The following RNLS variants were observed in gnomAD, a reference collection of about 807,000 sequenced individuals.
RNLS encodes the protein renalase.
Under a neutral mutation model 39.8 loss-of-function variants are expected in RNLS, and 39 were observed. The ratio of observed to expected loss-of-function variants is 0.98; its 90% CI spans 0.76 to 1.28. The LOEUF (loss-of-function observed/expected upper bound fraction) is 1.28. RNLS is among the 50% of genes most tolerant of loss of function. The pLI is 0.00. For missense variants in RNLS, 410 were observed against 413.3 expected, an observed-to-expected ratio of 0.99 and a Z score of 0.07; for synonymous variants, 147 against 150.7, an observed-to-expected ratio of 0.98 and a Z score of 0.18.
chr10:88,558,958 G>A (rs1247981237), intron 4 of RNLS, among the ~76,000 whole-genome samples: 1 of 152,122 alleles, frequency 6.6e-6, no homozygotes. Flanking sequence ...CTATGGAGAT[G>A]GTCTGCTGAA....
chr10:88,552,843 TA>T (rs1488061087), intron 4 of RNLS, among the ~76,000 whole-genome samples: 15 of 152,180 alleles, frequency 9.9e-5, no homozygotes, highest in Non-Finnish European at 2.1e-4. Context: ...GTTGTAAAAA[TA>T]ACCCAACAGC....
chr10:88,463,145 A>C (rs1444681243), intron 4 of RNLS, among the ~76,000 whole-genome samples: 3 of 152,046 alleles, frequency 2.0e-5, no homozygotes, highest in African/African-American at 2.4e-5. Flanking sequence ...CCTAAGCCCC[A>C]GTACCTCATA....
intron 3 of RNLS, among the ~76,000 whole-genome samples, chr10:88,577,294 A>C (rs1017131849): frequency 1.3e-5 from 2 of 152,194 alleles, no homozygotes; most frequent in Admixed American, 1.3e-4. Flanking sequence ...AAAATAATCA[A>C]TAAGGAAAGA....
At chr10:88,559,662 C>CTCAT (rs3033889) in intron 4 of RNLS, among the ~76,000 whole-genome samples, 2,539 of 151,160 alleles carry the variant, frequency 0.017, 80 homozygotes, top group African/African-American at 0.056. Context: ...GATTGTTTCA[C>CTCAT]TCATTCATTC....
chr10:88,551,201 A>G (rs1848586336), intron 4 of RNLS, among the ~76,000 whole-genome samples: 1 of 152,196 alleles, frequency 6.6e-6, no homozygotes, highest in South Asian at 2.1e-4. Context: ...AAACTACTTT[A>G]CTGAAGCCAG....
chr10:88,539,153 C>A (rs1174971848), intron 4 of RNLS, among the ~76,000 whole-genome samples: 1 of 152,012 alleles, frequency 6.6e-6, no homozygotes, highest in African/African-American at 2.4e-5. Context: ...AATAAAAGAC[C>A]TTCAGAATAG....
chr10:88,328,260 T>C (rs895625995), intron 5 of RNLS, among the ~76,000 whole-genome samples: 5 of 142,056 alleles, frequency 3.5e-5, no homozygotes, highest in Non-Finnish European at 6.3e-5. Flanking sequence ...ATTGTATAGT[T>C]CTCATGAATT....
At chr10:88,381,367 G>A (rs1230940456) in intron 4 of RNLS, among the ~76,000 whole-genome samples, 5 of 151,540 alleles carry the variant, frequency 3.3e-5, no homozygotes, top group African/African-American at 1.2e-4. Flanking sequence ...CTTATTCCTA[G>A]GTAGTCTGTT....
In RNLS at chr10:88,297,277, C is replaced by G. The variant is rs76990990; in HGVS notation, c.877-11771G>C. On this transcript the variant is annotated intron_variant, in intron 6 of 6. Coordinates refer to ENST00000331772, the MANE Select transcript of RNLS (RefSeq NM_001031709.3). ...TCCTACCAGTGATATGTGAGAGTTA[C>G]AGTTGTTTCACATCCTTGCCAGCAT... Among the ~76,000 whole-genome samples the G allele has an allele frequency of 4.2e-3, 641 of 152,296 alleles. 5 individuals are homozygous for G. Among genetic ancestry groups the G allele is most frequent in the South Asian group, 0.029 (141 of 4,834 alleles).
chr10:88,436,226 T>C (rs1340521995), intron 4 of RNLS, among the ~76,000 whole-genome samples: 1 of 152,116 alleles, frequency 6.6e-6, no homozygotes, highest in Non-Finnish European at 1.5e-5. Context: ...TCTGATAAGG[T>C]AACTTACCTT....
intron 2 of RNLS, 43 bp downstream of exon 2, chr10:88,582,138 TCACAACAACCCTATGACATCA>T: frequency 7.7e-7 from 1 of 1,292,194 alleles, no homozygotes; most frequent in Non-Finnish European, 1.1e-6. Context: ...AATCTAATCT[TCACAACAACCCTATGACATCA>T]CACAACTGCT....
At chr10:88,312,526 A>C (rs902206946) in intron 6 of RNLS, among the ~76,000 whole-genome samples, 1 of 152,190 alleles carries the variant, frequency 6.6e-6, no homozygotes, top group African/African-American at 2.4e-5. Context: ...AGGAAATATA[A>C]GGTGGGTGAA....
chr10:88,357,542 A>G (rs1849284219), intron 5 of RNLS, among the ~76,000 whole-genome samples: 1 of 152,196 alleles, frequency 6.6e-6, no homozygotes, highest in African/African-American at 2.4e-5. Context: ...GTTGAAACCT[A>G]TTTATCATTC....
At chr10:88,387,611 GCT>G (rs1851950574) in intron 4 of RNLS, among the ~76,000 whole-genome samples, 1 of 151,806 alleles carries the variant, frequency 6.6e-6, no homozygotes, top group Admixed American at 6.6e-5. Flanking sequence ...TTTACAAAGT[GCT>G]TTTACATGTA....
chr10:88,314,710 A>C (rs1243888805), intron 5 of RNLS, 69 bp from the exon 6 acceptor site: 1 of 1,389,954 alleles, frequency 7.2e-7, no homozygotes, highest in Non-Finnish European at 9.9e-7. Flanking sequence ...TCAGGATTTC[A>C]ATTCAGACTT....
At chr10:88,286,911 C>A (rs963135116) in intron 6 of RNLS, among the ~76,000 whole-genome samples, 6 of 151,680 alleles carry the variant, frequency 4.0e-5, no homozygotes, top group African/African-American at 1.5e-4. Flanking sequence ...CCTGCCTTAG[C>A]TTCCTGGTAG....
At chr10:88,345,947 T>A (rs958401977) in intron 5 of RNLS, among the ~76,000 whole-genome samples, 1 of 152,160 alleles carries the variant, frequency 6.6e-6, no homozygotes, top group African/African-American at 2.4e-5. Flanking sequence ...TAATACTGGT[T>A]ATTTTTTACC....
chr10:88,188,446 T>C, the RNLS span, among the ~76,000 whole-genome samples: 1 of 152,238 alleles, frequency 6.6e-6, no homozygotes, highest in Non-Finnish European at 1.5e-5. Flanking sequence ...TGTATTCTGT[T>C]TCAATAGCTG....
chr10:88,330,940 G>GA (rs1181519111), intron 5 of RNLS, among the ~76,000 whole-genome samples: 1 of 151,972 alleles, frequency 6.6e-6, no homozygotes, highest in East Asian at 1.9e-4. Context: ...AGTTATCTCT[G>GA]AAAAAAATCC....
Sources: allele counts gnomAD v4.1 joint callset (sites outside exome capture counted in the v4.1 genomes callset), GRCh38; gene constraint gnomAD v4.1.1; transcripts MANE v1.5; gene names NCBI Gene and HGNC (gene_info 2026-07-23, HGNC 2026-07-21).